PEBP4: variants seen among roughly 807,000 people sequenced by gnomAD.
PEBP4 encodes phosphatidylethanolamine binding protein 4.
In PEBP4, 22 loss-of-function variants were observed where a neutral mutation model predicts 23.9. The ratio of observed to expected loss-of-function variants is 0.92; its 90% CI spans 0.66 to 1.31. PEBP4 has a LOEUF of 1.31. Among genes scored for constraint, PEBP4 ranks in the 40% most tolerant of loss-of-function variants. The pLI is 0.00. For synonymous variants in PEBP4, 112 were observed against 99.3 expected, an observed-to-expected ratio of 1.13 and a Z score of -0.76; for missense variants, 324 against 281.7, an observed-to-expected ratio of 1.15 and a Z score of -1.07.
At chr8:22,924,632 T>C (rs1331326586) in intron 2 of PEBP4, 26 of 983,956 alleles carry the variant, frequency 2.6e-5, no homozygotes, top group Non-Finnish European at 3.0e-5. Flanking sequence ...ACGGAGCTTT[T>C]CAACACCAAA....
At chr8:22,801,941 C>A (rs1377171745) in intron 4 of PEBP4, among the ~76,000 whole-genome samples, 1 of 152,152 alleles carries the variant, frequency 6.6e-6, no homozygotes, top group Non-Finnish European at 1.5e-5. Flanking sequence ...TCAACTGAGA[C>A]AAGAAAACAG....
At chr8:22,819,804 C>T (rs1806819892) in intron 3 of PEBP4, among the ~76,000 whole-genome samples, 1 of 152,096 alleles carries the variant, frequency 6.6e-6, no homozygotes, top group Admixed American at 6.6e-5. Context: ...GACGGGGTTT[C>T]ACCGTGTTAG....
chr8:22,940,445 G>A (rs553582189), intron 1 of PEBP4, among the ~76,000 whole-genome samples: 2 of 151,092 alleles, frequency 1.3e-5, no homozygotes, highest in African/African-American at 2.4e-5. Context: ...CTCAAATCAC[G>A]CTAGAGTGAA....
intron 6 of PEBP4, among the ~76,000 whole-genome samples, chr8:22,719,615 G>A (rs956768091): frequency 2.0e-5 from 3 of 152,230 alleles, no homozygotes; most frequent in African/African-American, 7.2e-5. Context: ...GCAAGGCGGT[G>A]GCAGGTGCAA....
chr8:22,798,578 T>G (rs1270887875), intron 4 of PEBP4: 2 of 153,248 alleles, frequency 1.3e-5, no homozygotes, highest in Non-Finnish European at 2.9e-5. Flanking sequence ...CTCTTCCTGA[T>G]GACCCTGGTG....
intron 4 of PEBP4, among the ~76,000 whole-genome samples, chr8:22,805,321 C>T (rs1179677340): frequency 2.6e-5 from 4 of 151,532 alleles, no homozygotes; most frequent in Middle Eastern, 3.2e-3. Flanking sequence ...TTAGCAATCG[C>T]GTGTTTTGTT....
intron 3 of PEBP4, among the ~76,000 whole-genome samples, chr8:22,820,963 G>A (rs1806845649): frequency 6.6e-6 from 1 of 152,012 alleles, no homozygotes; most frequent in South Asian, 2.1e-4. Flanking sequence ...GGAGGCTGAG[G>A]TGGACTGATT....
At chr8:22,805,742 C>T (rs1001222817) in intron 4 of PEBP4, among the ~76,000 whole-genome samples, 2 of 152,128 alleles carry the variant, frequency 1.3e-5, no homozygotes, top group East Asian at 1.9e-4. Context: ...GTGTACTCTG[C>T]TCTCTTTTGC....
chr8:22,793,738 T>C (rs144079051), intron 4 of PEBP4, among the ~76,000 whole-genome samples: 2,748 of 152,308 alleles, frequency 0.018, 41 homozygotes, highest in Non-Finnish European at 0.027. Flanking sequence ...TTAATAATTA[T>C]CTAATACATA....
chr8:22,867,604 C>G (rs1807932355), intron 3 of PEBP4, among the ~76,000 whole-genome samples: 1 of 152,170 alleles, frequency 6.6e-6, no homozygotes, highest in Non-Finnish European at 1.5e-5. Context: ...TGCCCTTCCC[C>G]CTCTGGCTCC....
intron 4 of PEBP4, among the ~76,000 whole-genome samples, chr8:22,753,692 T>C (rs1458579857): frequency 6.6e-6 from 1 of 152,038 alleles, no homozygotes; most frequent in Admixed American, 6.5e-5. Flanking sequence ...CCACTCCTTG[T>C]GGAGGAGAGG....
At chr8:22,936,948 C>T (rs139253835) in intron 1 of PEBP4, among the ~76,000 whole-genome samples, 186 of 152,212 alleles carry the variant, frequency 1.2e-3, no homozygotes, top group African/African-American at 4.2e-3. Flanking sequence ...GAAGCTTCCT[C>T]GATATGATAA....
chr8:22,883,826 T>C (rs1808314150), intron 3 of PEBP4: 1 of 152,212 alleles, frequency 6.6e-6, no homozygotes, highest in Admixed American at 6.5e-5. Context: ...TCATTTTGTC[T>C]TATATGATTG....
chr8:22,901,777 C>A (rs1368370229), intron 3 of PEBP4, among the ~76,000 whole-genome samples: 3 of 152,120 alleles, frequency 2.0e-5, no homozygotes, highest in Non-Finnish European at 4.4e-5. Context: ...GCGAGGGCAC[C>A]GTTCTGTGAC....
chr8:22,794,488 T>C (rs903325809), intron 4 of PEBP4, among the ~76,000 whole-genome samples: 5 of 152,202 alleles, frequency 3.3e-5, no homozygotes, highest in Non-Finnish European at 5.9e-5. Context: ...CTTTGCCATG[T>C]TGGCTACCCT....
intron 3 of PEBP4, among the ~76,000 whole-genome samples, chr8:22,827,642 G>A (rs1806999831): frequency 6.6e-6 from 1 of 152,096 alleles, no homozygotes; most frequent in Admixed American, 6.6e-5. Context: ...TCCAATTGGT[G>A]GACATTTGGT....
chr8:22,860,168 G>GTATATATATATACACATATATATGTA (rs1469685272), intron 3 of PEBP4, among the ~76,000 whole-genome samples: 1 of 122,766 alleles, frequency 8.1e-6, no homozygotes, highest in Non-Finnish European at 1.6e-5. Context: ...ACATATATAT[G>GTATATATATATACACATATATATGTA]TATATATATA....
chr8:22,898,431 A>C (rs5019305), intron 3 of PEBP4, among the ~76,000 whole-genome samples: 51,707 of 123,824 alleles, frequency 0.42, 11,380 homozygotes, highest in African/African-American at 0.54. Flanking sequence ...AAAAAAAAAA[A>C]CCCACCCAGT....
chr8:22,774,862 A>T (rs1805784724), intron 4 of PEBP4, among the ~76,000 whole-genome samples: 2 of 151,666 alleles, frequency 1.3e-5, no homozygotes, highest in South Asian at 4.2e-4. Flanking sequence ...AACCAATCTG[A>T]CTTTCCCCCA....
Sources: gnomAD v4.1 joint callset for allele counts (sites outside exome capture counted in the v4.1 genomes callset) on GRCh38, gnomAD v4.1.1 for gene constraint, MANE v1.5 for transcripts, NCBI Gene and HGNC (gene_info 2026-07-23, HGNC 2026-07-21) for gene names.